Variants in NLRC4 observed in about 807,000 individuals in gnomAD.
NLRC4 encodes the protein NLR family CARD domain containing 4, also known as NLR family CARD domain-containing protein 4.
A neutral mutation model predicts 79.9 loss-of-function variants in NLRC4; 63 were observed. That is an observed-to-expected ratio of 0.79 (90% confidence interval 0.64 to 0.97). The LOEUF (loss-of-function observed/expected upper bound fraction) is 0.97. Among genes scored for constraint, NLRC4 ranks in the 50% least tolerant of loss-of-function variants. The pLI, the probability that NLRC4 is intolerant of heterozygous loss-of-function variation, is 0.00. For synonymous variants in NLRC4, 461 were observed against 456.5 expected (o/e 1.01, Z -0.12); for missense variants, 1,074 against 1,215.2 (o/e 0.88, Z 1.73).
At chr2:32,260,237 C>T (rs901219575) in intron 1 of NLRC4, among the ~76,000 whole-genome samples, 3 of 124,152 alleles carry the variant, frequency 2.4e-5, no homozygotes, top group Admixed American at 1.6e-4. Context: ...AAAAAAACAA[C>T]GAAAAAAAAA....
In NLRC4 at chr2:32,251,536, G is replaced by T. The variant is rs1426980819; in HGVS notation, c.328C>A (p.His110Asn). Residue 110 changes from histidine (H) to asparagine (N), a missense_variant, in exon 4 of 9, where the codon CAT (histidine) becomes AAT (asparagine). Physicochemically the swap from His to Asn is moderately conservative, Grantham distance 68. Coordinates refer to ENST00000402280, the MANE Select transcript of NLRC4 (RefSeq NM_001199138.2). ...DLAQDLKDLY[H>N]TPSFLNFYPL... ...TAAAAGTTCAGAAAAGATGGGGTAT[G>T]GTACAAGTCCTTTAAATCCTGAGCC... 3 of 1,613,458 alleles carry T rather than the reference G, an allele frequency of 1.9e-6. No individual in the cohort carries two copies. Among genetic ancestry groups the T allele is most frequent in the Non-Finnish European group, 1.7e-6 (2 of 1,179,698 alleles).
chr2:32,261,416 A>G (rs866395871), intron 1 of NLRC4, among the ~76,000 whole-genome samples: 36 of 144,384 alleles, frequency 2.5e-4, no homozygotes, highest in African/African-American at 8.8e-4. Flanking sequence ...GGTTCAAGCG[A>G]TTCTCCTGCC....
intron 4 of NLRC4, among the ~76,000 whole-genome samples, chr2:32,244,488 G>A (rs1015334001): frequency 2.0e-5 from 3 of 151,968 alleles, no homozygotes; most frequent in Admixed American, 1.3e-4. Flanking sequence ...AAGGCAAGAT[G>A]TTAATTCATG....
chr2:32,243,836 G>A (rs1381570451), intron 4 of NLRC4, among the ~76,000 whole-genome samples: 2 of 151,722 alleles, frequency 1.3e-5, no homozygotes, highest in Non-Finnish European at 2.9e-5. Context: ...CCTCCAAATG[G>A]GCTTCATATA....
intron 8 of NLRC4, among the ~76,000 whole-genome samples, chr2:32,230,406 C>A (rs1453241307): frequency 6.6e-6 from 1 of 151,852 alleles, no homozygotes; most frequent in Non-Finnish European, 1.5e-5. Context: ...CTCAGGTGAC[C>A]CACCCGCCTT....
At chr2:32,257,634 T>C (rs1313023518) in intron 1 of NLRC4, among the ~76,000 whole-genome samples, 2 of 139,762 alleles carry the variant, frequency 1.4e-5, no homozygotes, top group Non-Finnish European at 3.1e-5. Context: ...AAAAAAAGGA[T>C]AAGTAAGATG....
intron 5 of NLRC4, among the ~76,000 whole-genome samples, chr2:32,239,044 G>T (rs1308254702): frequency 2.0e-5 from 3 of 152,140 alleles, no homozygotes; most frequent in Non-Finnish European, 4.4e-5. Flanking sequence ...ACTATGGGAG[G>T]CAGTGATAGG....
At chr2:32,236,816 CAT>C (rs1272984694) in intron 6 of NLRC4, among the ~76,000 whole-genome samples, 3 of 151,838 alleles carry the variant, frequency 2.0e-5, no homozygotes, top group South Asian at 4.1e-4. Context: ...ATTTTATTGA[CAT>C]AATAGTTGAG....
rs769890940 is a variant in NLRC4 at position 32,251,486 on chromosome 2, A to T, written c.378T>A (p.Ile126=). Residue 126 remains isoleucine (I), a synonymous_variant, in exon 4 of 9, where the codon ATT becomes ATA. Transcript: ENST00000402280. The stretch of plus-strand genomic sequence containing the variant: ...TGAAGGTGCTTTTCAAGTTAAAAAT[A>T]ATGTCAATATCTTCACCAAGGGGAT... The part of the protein sequence containing the change: ...NFYPLGEDID[I]IFNLKSTFTE... 1.3e-5 allele frequency: 21 copies of T among 1,614,118 alleles called. No homozygotes were observed. The highest frequency in any genetic ancestry group is 1.8e-5 in the Non-Finnish European group (21 of 1,179,990).
chr2:32,225,022 G>A (rs1431419326), intron 8 of NLRC4, among the ~76,000 whole-genome samples: 3 of 152,096 alleles, frequency 2.0e-5, no homozygotes, highest in East Asian at 1.9e-4. Flanking sequence ...GCAACAATAT[G>A]TAAATGAATT....
In NLRC4 at chr2:32,235,447, A is replaced by C; in HGVS notation, c.2736T>G (p.Leu912=). The change falls in exon 8 of 9, where the codon CTT becomes CTG. Residue 912 remains leucine, a synonymous_variant. Transcript: ENST00000402280. ...CTGTGAGTCTCCAGTTTTTCAACCC[A>C]AGCTTGACGAGTTGTGGGACCTCCT... The part of the protein sequence containing the change: ...HLEEVPQLVK[L]GLKNWRLTDT... 1 of 1,614,128 alleles carries C rather than the reference A, an allele frequency of 6.2e-7. No individual in the cohort carries two copies. The highest frequency in any genetic ancestry group is 1.1e-5 in the South Asian group (1 of 91,090).
At chr2:32,246,529 ACCC>A (rs1402822002) in intron 4 of NLRC4, among the ~76,000 whole-genome samples, 1 of 152,188 alleles carries the variant, frequency 6.6e-6, no homozygotes, top group African/African-American at 2.4e-5. Context: ...TTGAAAACTA[ACCC>A]CAGACTGCTA....
intron 2 of NLRC4, among the ~76,000 whole-genome samples, chr2:32,256,149 T>C (rs1449350271): frequency 6.6e-6 from 1 of 152,164 alleles, no homozygotes; most frequent in Non-Finnish European, 1.5e-5. Flanking sequence ...ATGCTGCTCA[T>C]TTATTCATTA....
intron 4 of NLRC4, among the ~76,000 whole-genome samples, chr2:32,248,985 C>A (rs1055361467): frequency 4.6e-5 from 7 of 152,230 alleles, no homozygotes; most frequent in African/African-American, 9.6e-5. Flanking sequence ...CAGTAACTTT[C>A]TCCTGATCAG....
chr2:32,242,023 A>G (rs1051824204), intron 4 of NLRC4, among the ~76,000 whole-genome samples: 4 of 152,132 alleles, frequency 2.6e-5, no homozygotes, highest in Non-Finnish European at 2.9e-5. Flanking sequence ...TGCAAATCAA[A>G]GTTATTATGC....
At chr2:32,229,529 T>C (rs1000913583) in intron 8 of NLRC4, among the ~76,000 whole-genome samples, 4 of 152,130 alleles carry the variant, frequency 2.6e-5, no homozygotes, top group African/African-American at 7.2e-5. Context: ...GATTTTTATG[T>C]TGTAGTCTCA....
chr2:32,231,315 C>G (rs555047729), intron 8 of NLRC4, among the ~76,000 whole-genome samples: 1 of 151,862 alleles, frequency 6.6e-6, no homozygotes, highest in African/African-American at 2.4e-5. Flanking sequence ...CCACCACGCC[C>G]GGCTAATTTT....
Position 32,249,939 on chromosome 2 carries a change from G to A in NLRC4, c.1925C>T (p.Thr642Ile). The A allele has an allele frequency of 6.2e-7, 1 of 1,614,190 alleles. No homozygotes were observed. Among genetic ancestry groups the A allele is most frequent in the South Asian group, 1.1e-5 (1 of 91,082 alleles). Residue 642 changes from threonine (T) to isoleucine (I), a missense_variant, in exon 4 of 9, where the codon ACC becomes ATC. By Grantham distance (89) the Thr-to-Ile change is moderately conservative. Transcript: ENST00000402280. ...GGIHMEEAPETYIPSRAVSLF... is the reference protein window; with the variant it reads ...GGIHMEEAPEIYIPSRAVSLF... ...AGATACAGCCCTGCTGGGAATGTAG[G>A]TTTCTGGGGCCTCTTCCATGTGGAT...
At chr2:32,256,729 G>C (rs753962391) in intron 2 of NLRC4, 46 bp downstream of exon 2, 3 of 772,124 alleles carry the variant, frequency 3.9e-6, no homozygotes, top group Non-Finnish European at 7.2e-6. Context: ...CCAGTATTTG[G>C]TAGCAGACTG....
Sources: allele counts gnomAD v4.1 joint callset (sites outside exome capture counted in the v4.1 genomes callset), GRCh38; gene constraint gnomAD v4.1.1; transcripts MANE v1.5; gene names NCBI Gene and HGNC (gene_info 2026-07-23, HGNC 2026-07-21).